BCL11A: variants seen among roughly 807,000 people sequenced by gnomAD.
The protein encoded by BCL11A is BCL11 transcription factor A, also known as B cell CLL/lymphoma 11A.
Under a neutral mutation model 55.9 loss-of-function variants are expected in BCL11A, and 2 were observed. The observed-to-expected ratio is 0.04, with a 90% CI of 0.01 to 0.11. The LOEUF is 0.11. Among genes scored for constraint, BCL11A ranks in the 10% least tolerant of loss-of-function variants. The probability of loss-of-function intolerance (pLI) is 1.00; values close to 1 mark genes in which losing one functional copy is unlikely to be tolerated. For missense variants in BCL11A, 817 were observed against 1,137.1 expected, an observed-to-expected ratio of 0.72 and a Z score of 4.05; for synonymous variants, 465 against 473.4, an observed-to-expected ratio of 0.98 and a Z score of 0.23.
At position 60,460,068 on chromosome 2, in the gene BCL11A, A is replaced by C. The variant is rs969087741; in HGVS notation, c.*336T>G. ...TCTAAGTTTAAAAAAAAACATACAC[A>C]ACATGTAAATTATTGCACAAGAGAA... On this transcript the variant is annotated 3_prime_UTR_variant, in exon 4 of 4. Coordinates refer to ENST00000642384, the MANE Select transcript of BCL11A (RefSeq NM_022893.4). The C allele has an allele frequency of 2.7e-5, 30 of 1,096,602 alleles. No homozygotes were observed. Among genetic ancestry groups the C allele is most frequent in the Non-Finnish European group, 3.1e-5 (28 of 900,800 alleles). 67.9% of individuals were successfully genotyped at this position (1,096,602 alleles called of 1,614,324 possible).
intron 2 of BCL11A, among the ~76,000 whole-genome samples, chr2:60,518,093 A>G (rs1299463381): frequency 5.3e-5 from 8 of 152,198 alleles, no homozygotes; most frequent in Non-Finnish European, 7.4e-5. Context: ...GGAGTTCAAG[A>G]CCAGCCTGGG....
At chr2:60,525,270 T>G (rs1207172807) in intron 2 of BCL11A, 1 of 152,194 alleles carries the variant, frequency 6.6e-6, no homozygotes, top group Non-Finnish European at 1.5e-5. Context: ...AAAAGCAAAC[T>G]TGGAGAAAAT....
intron 2 of BCL11A, among the ~76,000 whole-genome samples, chr2:60,477,600 TAAATAAAGAAAG>T (rs1343530900): frequency 1.3e-5 from 2 of 150,668 alleles, no homozygotes; most frequent in East Asian, 4.0e-4. Flanking sequence ...TAGAGTAAAA[TAAATAAAGAAAG>T]AAAGAAAGAA....
chr2:60,520,027 C>A (rs904439079), intron 2 of BCL11A, among the ~76,000 whole-genome samples: 1 of 152,062 alleles, frequency 6.6e-6, no homozygotes, highest in African/African-American at 2.4e-5. Flanking sequence ...AATAATTCGG[C>A]CTAAATTTTC....
intron 2 of BCL11A, among the ~76,000 whole-genome samples, chr2:60,518,211 T>A (rs1397410066): frequency 1.3e-5 from 2 of 152,198 alleles, no homozygotes; most frequent in Non-Finnish European, 2.9e-5. Context: ...CCCAGTTTTT[T>A]ATCTATCAAA....
At position 60,458,778 on chromosome 2, in the gene BCL11A, T is replaced by C; in HGVS notation, c.*1626A>G. Reference sequence around the variant, plus strand: ...TATACTCAACCTCTGTATCTCTGATTAGAGAAAAGATACAGATATCACAGG... The same window carrying C: ...TATACTCAACCTCTGTATCTCTGATCAGAGAAAAGATACAGATATCACAGG... On this transcript the variant is annotated 3_prime_UTR_variant, in exon 4 of 4. Transcript: ENST00000642384. 1 of 1,029,888 alleles carries C rather than the reference T, an allele frequency of 9.7e-7. No homozygotes were observed. The highest frequency in any genetic ancestry group is 1.2e-6 in the Non-Finnish European group (1 of 855,696). 63.8% of individuals were successfully genotyped at this position (1,029,888 alleles called of 1,614,324 possible). A position where few individuals can be genotyped will look rare whatever the true frequency, so the allele number is the denominator to read the frequency against.
chr2:60,467,363 ATGG>A (rs1175460010), intron 3 of BCL11A, among the ~76,000 whole-genome samples: 1 of 33,062 alleles, frequency 3.0e-5, no homozygotes, highest in Non-Finnish European at 5.9e-5. Context: ...GGTGGTGGTG[ATGG>A]TGGTGATGAT....
intron 2 of BCL11A, among the ~76,000 whole-genome samples, chr2:60,523,579 T>C (rs1669084276): frequency 6.6e-6 from 1 of 152,100 alleles, no homozygotes; most frequent in Admixed American, 6.6e-5. Context: ...AGTATGTACA[T>C]ATGTATGTGT....
intron 2 of BCL11A, among the ~76,000 whole-genome samples, chr2:60,513,143 T>C (rs1287452351): frequency 6.6e-6 from 1 of 152,126 alleles, no homozygotes; most frequent in Non-Finnish European, 1.5e-5. Context: ...GTCTAGCCTG[T>C]GAGGGGTTGG....
downstream of BCL11A, among the ~76,000 whole-genome samples, chr2:60,454,042 G>A (rs972658532): frequency 6.6e-5 from 10 of 152,034 alleles, no homozygotes; most frequent in African/African-American, 2.4e-4. Flanking sequence ...TAGAGAGAGA[G>A]AAAGAGAGAG....
At chr2:60,467,864 GTAC>G (rs1315776702) in intron 3 of BCL11A, among the ~76,000 whole-genome samples, 1 of 106,752 alleles carries the variant, frequency 9.4e-6, no homozygotes, top group Non-Finnish European at 2.1e-5. Context: ...GGTGGTGATG[GTAC>G]TGGTGGTGAT....
At chr2:60,474,934 A>G (rs575364311) in intron 2 of BCL11A, among the ~76,000 whole-genome samples, 1 of 152,370 alleles carries the variant, frequency 6.6e-6, no homozygotes, top group African/African-American at 2.4e-5. Flanking sequence ...TGAGAGAGGT[A>G]CAGATGAGCT....
In BCL11A at chr2:60,459,881, T is replaced by C. The variant is rs1252983822; in HGVS notation, c.*523A>G. Reference sequence around the variant, plus strand: ...AAGACTGTTTTTCCTCCTCACGTTATAAAATAAAACTGTACATGATATGTA... The same window carrying C: ...AAGACTGTTTTTCCTCCTCACGTTACAAAATAAAACTGTACATGATATGTA... On this transcript the variant is annotated 3_prime_UTR_variant, in exon 4 of 4. Coordinates refer to ENST00000642384, the MANE Select transcript of BCL11A (RefSeq NM_022893.4). The C allele has an allele frequency of 1.9e-6, 2 of 1,049,576 alleles. No homozygotes were observed. Among genetic ancestry groups the C allele is most frequent in the African/African-American group, 1.7e-5 (1 of 60,246 alleles). 65.0% of individuals were successfully genotyped at this position (1,049,576 alleles called of 1,614,324 possible). A position where few individuals can be genotyped will look rare whatever the true frequency, so the allele number is the denominator to read the frequency against.
chr2:60,475,823 C>T (rs539940373), intron 2 of BCL11A, among the ~76,000 whole-genome samples: 68 of 152,292 alleles, frequency 4.5e-4, no homozygotes, highest in African/African-American at 1.6e-3. Context: ...TGTATTCCCA[C>T]TGCCACCACT....
chr2:60,516,172 T>C (rs1334952240), intron 2 of BCL11A, among the ~76,000 whole-genome samples: 1 of 152,224 alleles, frequency 6.6e-6, no homozygotes, highest in African/African-American at 2.4e-5. Context: ...GCTTTTCATA[T>C]CATCCTACAC....
chr2:60,490,453 A>G (rs1459877292), intron 2 of BCL11A, among the ~76,000 whole-genome samples: 3 of 152,204 alleles, frequency 2.0e-5, no homozygotes, highest in Admixed American at 2.0e-4. Context: ...ATTCTGCCCA[A>G]GTAAAAATCC....
intron 2 of BCL11A, among the ~76,000 whole-genome samples, chr2:60,480,680 A>G (rs1037038763): frequency 5.9e-5 from 9 of 152,164 alleles, no homozygotes; most frequent in Non-Finnish European, 1.3e-4. Context: ...CAATCAGGTT[A>G]ATCATTCACT....
chr2:60,466,840 C>A (rs1308879045), intron 3 of BCL11A, among the ~76,000 whole-genome samples: 1 of 152,058 alleles, frequency 6.6e-6, no homozygotes, highest in Non-Finnish European at 1.5e-5. Flanking sequence ...TTAGATGTCA[C>A]ACTTCTTTTC....
chr2:60,452,374 T>C (rs375863260), downstream of BCL11A: 7 of 518,422 alleles, frequency 1.4e-5, no homozygotes, highest in Middle Eastern at 5.2e-4. Context: ...GTCTGTTTTT[T>C]TGTTTTTACT....
Sources: gnomAD v4.1 joint callset for allele counts (sites outside exome capture counted in the v4.1 genomes callset) on GRCh38, gnomAD v4.1.1 for gene constraint, MANE v1.5 for transcripts, NCBI Gene and HGNC (gene_info 2026-07-23, HGNC 2026-07-21) for gene names.